Variants in RERE observed in about 807,000 individuals in gnomAD.
RERE encodes the protein arginine-glutamic acid dipeptide repeats protein.
RERE carries 40 observed loss-of-function variants against 146.1 expected under a neutral mutation model. The ratio of observed to expected loss-of-function variants is 0.27; its 90% confidence interval spans 0.21 to 0.36. The LOEUF (loss-of-function observed/expected upper bound fraction) is 0.36, where lower values mean the gene tolerates loss of function less well. Ranked by LOEUF, RERE falls within the 10% of genes least tolerant of loss-of-function variation. The pLI is 1.00. For missense variants in RERE, 1,933 were observed against 2,138.7 expected, an observed-to-expected ratio of 0.90 and a Z score of 1.90; for synonymous variants, 1,003 against 866.0, an observed-to-expected ratio of 1.16 and a Z score of -2.78.
intron 1 of RERE, among the ~76,000 whole-genome samples, chr1:8,798,161 G>C (rs542316539): frequency 6.6e-6 from 1 of 152,144 alleles, no homozygotes; most frequent in Non-Finnish European, 1.5e-5. Context: ...TTGGGAGGCC[G>C]AGACAGGTGG....
rs1486262113 is a variant in RERE at position 8,604,614 on chromosome 1, GAGGGAGGGAGGAAGGA to G, written c.522+9931_522+9946del. Among the ~76,000 whole-genome samples, 240 of 68,152 alleles carry G rather than the reference GAGGGAGGGAGGAAGGA, an allele frequency of 3.5e-3. 2 individuals carry two copies. Among genetic ancestry groups the G allele is most frequent in the South Asian group, 0.019 (31 of 1,598 alleles). 44.7% of individuals were successfully genotyped at this position (68,152 alleles called of 152,430 possible). Reference sequence around the variant, plus strand: ...GAAGGAAGGAAGGGAGGGAGGGAGGGAGGGAGGGAGGAAGGAAGGAAGGAAGGAAGGAAGGAAGGAA... The same window carrying G: ...GAAGGAAGGAAGGGAGGGAGGGAGGGAGGAAGGAAGGAAGGAAGGAAGGAA... On this transcript the variant is annotated intron_variant, in intron 4 of 22. Transcript: ENST00000400908.
intron 7 of RERE, among the ~76,000 whole-genome samples, chr1:8,533,536 A>G (rs1000914343): frequency 2.6e-5 from 4 of 152,226 alleles, no homozygotes; most frequent in African/African-American, 9.6e-5. Context: ...TGCTTCTGCC[A>G]GGTATCTTGA....
In RERE at chr1:8,427,024, A is replaced by G. The variant is rs183673024; in HGVS notation, c.1204-4217T>C. Among the ~76,000 whole-genome samples, 58 of 152,202 alleles carry G rather than the reference A, an allele frequency of 3.8e-4. No individual in the cohort carries two copies. In the East Asian group the frequency reaches 9.4e-3, roughly 25 times the overall value. The stretch of plus-strand genomic sequence containing the variant: ...CACCACATTTTTTGTCTCCTTTAAA[A>G]ATTATTTATTTATTAACGATGAGGT... On this transcript the variant is annotated intron_variant, in intron 11 of 22. Coordinates refer to ENST00000400908, the MANE Select transcript of RERE (RefSeq NM_001042681.2).
intron 19 of RERE, 53 bp from the exon 20 acceptor site, chr1:8,358,969 C>T: frequency 1.3e-6 from 2 of 1,495,880 alleles, no homozygotes; most frequent in East Asian, 2.3e-5. Flanking sequence ...GGGGTCTCCG[C>T]TTGGTCCACA....
At chr1:8,646,764 A>G (rs1368147838) in intron 2 of RERE, among the ~76,000 whole-genome samples, 2 of 152,224 alleles carry the variant, frequency 1.3e-5, no homozygotes, top group Non-Finnish European at 2.9e-5. Context: ...ACGCTGCCAC[A>G]AAGCAGCAAA....
intron 1 of RERE, among the ~76,000 whole-genome samples, chr1:8,695,727 T>A (rs1333916041): frequency 1.3e-5 from 2 of 149,730 alleles, no homozygotes; most frequent in Non-Finnish European, 3.0e-5. Context: ...GCCACTGCAC[T>A]CCAGTCTGGG....
At chr1:8,465,138 G>GT (rs1189069112) in intron 11 of RERE, 4 of 152,694 alleles carry the variant, frequency 2.6e-5, no homozygotes, top group African/African-American at 7.2e-5. Flanking sequence ...CAAGAAATCC[G>GT]TAAGTCGTTT....
intron 4 of RERE, among the ~76,000 whole-genome samples, chr1:8,564,824 A>ATGTGTGTGTGTGTGTGTG (rs1182779393): frequency 4.1e-5 from 2 of 48,824 alleles, no homozygotes; most frequent in East Asian, 2.3e-3. Context: ...ATGTGTGTGT[A>ATGTGTGTGTGTGTGTGTG]TATGTGTATG....
At chr1:8,532,577 T>C (rs991523233) in intron 7 of RERE, among the ~76,000 whole-genome samples, 20 of 150,682 alleles carry the variant, frequency 1.3e-4, no homozygotes, top group Admixed American at 1.3e-3. Context: ...TGCACCACCA[T>C]GCCTAGCTAA....
intron 12 of RERE, among the ~76,000 whole-genome samples, chr1:8,416,570 A>T (rs1311452613): frequency 2.1e-5 from 3 of 139,678 alleles, no homozygotes. Context: ...TGGGCGACAG[A>T]GCGAGACTCC....
At chr1:8,405,537 GCCATTT>G (rs1643414979) in intron 12 of RERE, among the ~76,000 whole-genome samples, 1 of 152,134 alleles carries the variant, frequency 6.6e-6, no homozygotes, top group African/African-American at 2.4e-5. Context: ...ACTGAATGAG[GCCATTT>G]CTGTTTAAAA....
chr1:8,546,196 G>C (rs536792018), intron 6 of RERE, among the ~76,000 whole-genome samples: 46 of 151,170 alleles, frequency 3.0e-4, no homozygotes, highest in African/African-American at 1.0e-3. Flanking sequence ...GCCCAGGCTG[G>C]TCTCAGACTC....
At chr1:8,604,622 GAGGAAGGAAGGAAGGAAGGAAGGA>G (rs1178725565) in intron 4 of RERE, among the ~76,000 whole-genome samples, 3 of 46,506 alleles carry the variant, frequency 6.5e-5, no homozygotes, top group Non-Finnish European at 8.4e-5. Context: ...GGGAGGGAGG[GAGGAAGGAAGGAAGGAAGGAAGGA>G]AGGAAGGAAG....
chr1:8,492,011 C>G (rs1182381689), intron 10 of RERE, among the ~76,000 whole-genome samples: 1 of 152,138 alleles, frequency 6.6e-6, no homozygotes, highest in Non-Finnish European at 1.5e-5. Flanking sequence ...TATTTTCATT[C>G]ATTTTTCATT....
intron 12 of RERE, among the ~76,000 whole-genome samples, chr1:8,416,353 A>G (rs1353346550): frequency 6.6e-6 from 1 of 152,188 alleles, no homozygotes; most frequent in Non-Finnish European, 1.5e-5. Flanking sequence ...TGGGAGGCCA[A>G]GGCGGGCGGA....
intron 7 of RERE, among the ~76,000 whole-genome samples, chr1:8,539,935 G>A (rs1327701047): frequency 6.6e-6 from 1 of 151,966 alleles, no homozygotes; most frequent in Non-Finnish European, 1.5e-5. Context: ...CTACCCCTAC[G>A]TTGACTACTC....
At chr1:8,792,282 C>G (rs980483589) in intron 1 of RERE, 15 of 152,090 alleles carry the variant, frequency 9.9e-5, no homozygotes, top group Non-Finnish European at 1.9e-4. Context: ...ACCAGGTAAT[C>G]ACAAGTCCAA....
chr1:8,744,944 C>T (rs938093408), intron 1 of RERE, among the ~76,000 whole-genome samples: 11 of 152,070 alleles, frequency 7.2e-5, no homozygotes, highest in Admixed American at 4.6e-4. Flanking sequence ...ACATACGTGG[C>T]GCTGTAGATG....
chr1:8,636,560 CAAT>C (rs1186941505), intron 2 of RERE, among the ~76,000 whole-genome samples: 2 of 151,450 alleles, frequency 1.3e-5, no homozygotes, highest in Non-Finnish European at 2.9e-5. Context: ...ATAATAATAA[CAAT>C]AATAATATTA....
Sources: gnomAD v4.1 joint callset for allele counts (sites outside exome capture counted in the v4.1 genomes callset) on GRCh38, gnomAD v4.1.1 for gene constraint, MANE v1.5 for transcripts, NCBI Gene and HGNC (gene_info 2026-07-23, HGNC 2026-07-21) for gene names.